Variants in FBXL14 observed in about 807,000 individuals in gnomAD.
FBXL14 encodes F-box and leucine rich repeat protein 14.
FBXL14 carries 11 observed loss-of-function variants against 24.5 expected under a neutral mutation model. The ratio of observed to expected loss-of-function variants is 0.45; its 90% CI spans 0.28 to 0.74. The LOEUF is 0.74. FBXL14 is among the 30% of genes least tolerant of loss of function. The pLI is 0.12. For missense variants in FBXL14, 384 were observed against 545.6 expected, an observed-to-expected ratio of 0.70 and a Z score of 2.95; for synonymous variants, 294 against 240.4, an observed-to-expected ratio of 1.22 and a Z score of -2.06.
intron 1 of FBXL14, among the ~76,000 whole-genome samples, chr12:1,585,397 C>CAAAAAAAAAAAAAAAAAAAA (rs34371174): frequency 1.1e-5 from 1 of 93,864 alleles, no homozygotes; most frequent in Admixed American, 1.3e-4. Context: ...GACTCCGTCT[C>CAAAAAAAAAAAAAAAAAAAA]AAAAAAAAAA....
chr12:1,568,592 T>G (rs1429307532), intron 1 of FBXL14, among the ~76,000 whole-genome samples: 2 of 152,156 alleles, frequency 1.3e-5, no homozygotes, highest in Non-Finnish European at 2.9e-5. Context: ...TATATACTTA[T>G]GTGTAAGGGA....
Position 1,593,991 on chromosome 12 carries a change from C to A in FBXL14, c.76G>T (p.Gly26Trp). The stretch of plus-strand genomic sequence containing the variant: ...GCGGTGCACACCTGCGCCGCGCGCC[C>A]CTTGTCCCGGACGTCCAGGTAGCCG... ...IFGYLDVRDK[G>W]RAAQVCTAWR... is the part of the protein sequence containing the mutation. The change falls in exon 1 of 2, where the codon GGG becomes TGG. Residue 26 changes from glycine (G) to tryptophan (W), a missense_variant. Gly to Trp is a radical substitution (Grantham distance 184). Coordinates refer to ENST00000339235, the MANE Select transcript of FBXL14 (RefSeq NM_152441.3). The surrounding 1 kb of genome is among the most constrained non-coding windows in gnomAD (Gnocchi z 7.4). 3.2e-6 allele frequency: 5 copies of A among 1,584,746 alleles called. No individual in the cohort carries two copies. The highest frequency in any genetic ancestry group is 4.3e-6 in the Non-Finnish European group (5 of 1,173,388).
chr12:1,581,372 C>T (rs2154438034), intron 1 of FBXL14, among the ~76,000 whole-genome samples: 1 of 152,308 alleles, frequency 6.6e-6, no homozygotes, highest in South Asian at 2.1e-4. Context: ...AGGTCCCCTA[C>T]AAGAGAAACG....
rs531549103 is a variant in FBXL14, at chr12:1,583,974, G to A, written c.1194+8899C>T. Among the ~76,000 whole-genome samples the A allele has an allele frequency of 2.0e-5, 3 of 152,236 alleles. No homozygotes were observed. The South Asian group carries it at 6.2e-4, about 32-fold the overall frequency. ...GGAGGCTGAAGCAACAGTCCAGAAGGAGACAATAACAGTTTTCCAGCCCTA... is the reference window on the plus strand; with the variant it reads ...GGAGGCTGAAGCAACAGTCCAGAAGAAGACAATAACAGTTTTCCAGCCCTA... On this transcript the variant is annotated intron_variant, in intron 1 of 1. Coordinates refer to ENST00000339235, the MANE Select transcript of FBXL14 (RefSeq NM_152441.3).
At chr12:1,580,038 A>G (rs2094463198) in intron 1 of FBXL14, among the ~76,000 whole-genome samples, 2 of 152,216 alleles carry the variant, frequency 1.3e-5, no homozygotes, top group South Asian at 2.1e-4. Context: ...ACCGATACAC[A>G]TAGTTAACAT....
Position 1,593,820 on chromosome 12 carries a change from T to A in FBXL14, c.247A>T (p.Ser83Cys), listed in dbSNP as rs1488692393. 1 of 1,614,050 alleles carries A rather than the reference T, an allele frequency of 6.2e-7. No homozygotes were observed. The highest frequency in any genetic ancestry group is 1.7e-5 in the Admixed American group (1 of 60,032). The change falls in exon 1 of 2, where the codon AGC becomes TGC. Residue 83 changes from serine (S) to cysteine (C), a missense_variant. Ser to Cys is a moderately radical substitution (Grantham distance 112). Transcript: ENST00000339235. The surrounding 1 kb of genome is among the most constrained non-coding windows in gnomAD (Gnocchi z 7.4). ...VQILSLRRSL[S>C]YVIQGMANIE... ...TTGGCCATGCCCTGGATCACGTAGC[T>A]GAGGCTGCGGCGGAGGCTCAGGATC...
Position 1,594,071 on chromosome 12 carries a change from C to T in FBXL14, c.-5G>A, listed in dbSNP as rs1278073729. ...GCATGAGATGTGGGTCTCCATCTTC[C>T]TCCTCCCCCCTCCGCGGCGCTGGGG... is the stretch of plus-strand genomic sequence containing the variant. On this transcript the variant is annotated 5_prime_UTR_variant, in exon 1 of 2. Transcript: ENST00000339235. 4 of 1,441,770 alleles carry T rather than the reference C, an allele frequency of 2.8e-6. No homozygotes were observed. Among genetic ancestry groups the T allele is most frequent in the Non-Finnish European group, 2.7e-6 (3 of 1,104,688 alleles). The allele number at this position is 1,441,770 out of a possible 1,614,324, so 89.3% of individuals were successfully genotyped here.
rs80330606 is a variant in FBXL14, at chr12:1,582,574, G to C, written c.1194+10299C>G. On this transcript the variant is annotated intron_variant, in intron 1 of 1. Transcript: ENST00000339235. Reference sequence around the variant, plus strand: ...TCAGCTATTACTTTCCAAAAGTTGCGCAGGGAGATGTTCTGCTTTCATAAG... The same window carrying C: ...TCAGCTATTACTTTCCAAAAGTTGCCCAGGGAGATGTTCTGCTTTCATAAG... Among the ~76,000 whole-genome samples, 1,101 of 152,260 alleles carry C rather than the reference G, an allele frequency of 7.2e-3. 14 individuals carry two copies. The highest frequency in any genetic ancestry group is 0.025 in the African/African-American group (1,059 of 41,548).
At chr12:1,583,963 C>CG (rs2094471747) in intron 1 of FBXL14, among the ~76,000 whole-genome samples, 1 of 152,076 alleles carries the variant, frequency 6.6e-6, no homozygotes, top group South Asian at 2.1e-4. Context: ...GCTGAAGCAA[C>CG]AGTCCAGAAG....
intron 1 of FBXL14, among the ~76,000 whole-genome samples, chr12:1,581,996 C>T (rs768634617): frequency 3.3e-5 from 5 of 151,962 alleles, no homozygotes; most frequent in Admixed American, 6.6e-5. Flanking sequence ...CATGGTGGCA[C>T]GTGCCTGTAG....
rs140883125 is a variant in FBXL14, at chr12:1,569,340, T to A, written c.1195-2530A>T. ...CTCCTTTTCACCAGGCTTCTCCTCTTCCTTCTTCCCTCTTCAACCCCACGC... is the reference window on the plus strand; with the variant it reads ...CTCCTTTTCACCAGGCTTCTCCTCTACCTTCTTCCCTCTTCAACCCCACGC... On this transcript the variant is annotated intron_variant, in intron 1 of 1. Transcript: ENST00000339235. This position sits in a 1 kb window ranked among gnomAD's most constrained non-coding sequence, Gnocchi z 4.2. 5.7e-3 allele frequency among the ~76,000 whole-genome samples: 865 copies of A among 151,838 alleles called. 5 individuals carry two copies. Among genetic ancestry groups the A allele is most frequent in the Middle Eastern group, 0.014 (4 of 294 alleles).
At chr12:1,568,717 C>T (rs529791081) in intron 1 of FBXL14, among the ~76,000 whole-genome samples, 1 of 152,178 alleles carries the variant, frequency 6.6e-6, no homozygotes, top group African/African-American at 2.4e-5. Context: ...AAAAATTAGC[C>T]TGGCGTGGTG....
rs1410699723 is a variant in FBXL14 at position 1,594,136 on chromosome 12, C to G, written c.-70G>C. On this transcript the variant is annotated 5_prime_UTR_variant, in exon 1 of 2. Transcript: ENST00000339235. ...CCCCGCCGCTCCGGCCTCGGGCAGG[C>G]GACGAGAGCGCTTCTCCCCAGCCGC... 1 of 1,231,920 alleles carries G rather than the reference C, an allele frequency of 8.1e-7. No individual in the cohort carries two copies. Among genetic ancestry groups the G allele is most frequent in the Admixed American group, 4.2e-5 (1 of 23,784 alleles). 76.3% of individuals were successfully genotyped at this position (1,231,920 alleles called of 1,614,324 possible).
intron 1 of FBXL14, among the ~76,000 whole-genome samples, chr12:1,586,361 A>C (rs866110703): frequency 2.0e-5 from 3 of 152,116 alleles, no homozygotes; most frequent in South Asian, 2.1e-4. Flanking sequence ...TCTGTCTCAA[A>C]AAAAAGACAA....
At position 1,593,779 on chromosome 12, in the gene FBXL14, G is replaced by A. The variant is rs1170009976; in HGVS notation, c.288C>T (p.Asn96=). ...CGGTGAGGTTGTAGCAGCCGCTGAG[G>A]TTGAGGCTCTCGATGTTGGCCATGC... ...IQGMANIESL[N]LSGCYNLTDN... Residue 96 remains asparagine (N), a synonymous_variant, in exon 1 of 2, where the codon AAC becomes AAT. Transcript: ENST00000339235. The surrounding 1 kb of genome is among the most constrained non-coding windows in gnomAD (Gnocchi z 7.4). 7.4e-6 allele frequency: 12 copies of A among 1,614,090 alleles called. No homozygotes were observed. Among genetic ancestry groups the A allele is most frequent in the African/African-American group, 1.3e-5 (1 of 74,956 alleles).
intron 1 of FBXL14, among the ~76,000 whole-genome samples, chr12:1,582,366 C>T (rs1213235229): frequency 6.6e-6 from 1 of 152,140 alleles, no homozygotes; most frequent in African/African-American, 2.4e-5. Context: ...TGGTCCTCAG[C>T]GTTCACACAT....
In FBXL14 at chr12:1,587,730, T is replaced by TA. The variant is rs2094480003; in HGVS notation, c.1194+5142dup. On this transcript the variant is annotated intron_variant, in intron 1 of 1. Transcript: ENST00000339235. ...ATGTCCCATCTGTTTTACAACTTTT[T>TA]AAAAAATTTAACTTGCTGCCTGATA... is the stretch of plus-strand genomic sequence containing the variant. Among the ~76,000 whole-genome samples, 7 of 152,330 alleles carry TA rather than the reference T, an allele frequency of 4.6e-5. No individual in the cohort carries two copies. The South Asian group carries it at 1.4e-3, about 32-fold the overall frequency.
chr12:1,590,665 G>A (rs1016948129), intron 1 of FBXL14, among the ~76,000 whole-genome samples: 2 of 152,128 alleles, frequency 1.3e-5, no homozygotes, highest in South Asian at 2.1e-4. Flanking sequence ...GGCCAGCCTC[G>A]GCTATTGGAA....
intron 1 of FBXL14, among the ~76,000 whole-genome samples, chr12:1,584,832 T>C (rs1056015507): frequency 6.6e-6 from 1 of 152,244 alleles, no homozygotes; most frequent in African/African-American, 2.4e-5. Flanking sequence ...TTGTCGTTGT[T>C]GTTGTTCACA....
Sources: allele counts gnomAD v4.1 joint callset (sites outside exome capture counted in the v4.1 genomes callset), GRCh38; gene constraint gnomAD v4.1.1; non-coding constraint Gnocchi (gnomAD v3.1); transcripts MANE v1.5; gene names NCBI Gene and HGNC (gene_info 2026-07-23, HGNC 2026-07-21).